Variants in PALS1 observed in about 807,000 individuals in gnomAD.
The protein encoded by PALS1 is protein PALS1.
In PALS1, 31 loss-of-function variants were observed where a neutral mutation model predicts 78.9. The observed-to-expected ratio is 0.39, with a 90% CI of 0.30 to 0.53. The LOEUF (loss-of-function observed/expected upper bound fraction) is 0.53, where lower values mean the gene tolerates loss of function less well. PALS1 is among the 20% of genes least tolerant of loss of function. The pLI, the probability that PALS1 is intolerant of heterozygous loss-of-function variation, is 0.67. For missense variants in PALS1, 704 were observed against 826.5 expected, an observed-to-expected ratio of 0.85 and a Z score of 1.82; for synonymous variants, 276 against 270.9, an observed-to-expected ratio of 1.02 and a Z score of -0.18.
At position 67,281,875 on chromosome 14, in the gene PALS1, A is replaced by G. The variant is rs370833393; in HGVS notation, c.367+2338A>G. ...CTATTGCTGACTTTTTTACAAATTCAGATTAAAGGATACCTCTATTCCAAT... is the reference window on the plus strand; with the variant it reads ...CTATTGCTGACTTTTTTACAAATTCGGATTAAAGGATACCTCTATTCCAAT... On this transcript the variant is annotated intron_variant, in intron 3 of 14. Transcript: ENST00000261681. Among the ~76,000 whole-genome samples the G allele has an allele frequency of 1.9e-3, 281 of 151,804 alleles. 16 individuals carry two copies. The South Asian group carries it at 0.058, about 31-fold the overall frequency.
At chr14:67,299,873 C>T (rs1326390602) in intron 4 of PALS1, among the ~76,000 whole-genome samples, 2 of 152,134 alleles carry the variant, frequency 1.3e-5, no homozygotes, top group Non-Finnish European at 2.9e-5. Flanking sequence ...ATTTTTAATC[C>T]AGAATTATCT....
In PALS1 at chr14:67,303,506, G is replaced by C; in HGVS notation, c.964-16G>C. On this transcript the variant is annotated splice_polypyrimidine_tract_variant and intron_variant, in intron 7 of 14. Coordinates refer to ENST00000261681, the MANE Select transcript of PALS1 (RefSeq NM_022474.4). ...TAAATGCAAATTTAAAAAATAACCT[G>C]ATCTTTCTATTACAGTCTGATATGC... 1 of 1,594,582 alleles carries C rather than the reference G, an allele frequency of 6.3e-7. No homozygotes were observed. Among genetic ancestry groups the C allele is most frequent in the Non-Finnish European group, 8.6e-7 (1 of 1,162,712 alleles).
In PALS1 at chr14:67,267,295, G is replaced by C. The variant is rs1259196541; in HGVS notation, c.-236-2406G>C. ...TTTAATGAGACGGAATTTCACTCTT[G>C]TCGCCCAGGCTGGAGTGCAATGGTG... On this transcript the variant is annotated intron_variant, in intron 1 of 14. Coordinates refer to ENST00000261681, the MANE Select transcript of PALS1 (RefSeq NM_022474.4). Among the ~76,000 whole-genome samples, 4 of 152,022 alleles carry C rather than the reference G, an allele frequency of 2.6e-5. No homozygotes were observed. The East Asian group carries it at 5.8e-4, about 22-fold the overall frequency.
At chr14:67,331,272 C>T (rs1164150515) in intron 14 of PALS1, among the ~76,000 whole-genome samples, 7 of 152,106 alleles carry the variant, frequency 4.6e-5, no homozygotes, top group Admixed American at 2.6e-4. Context: ...CTCAAGCTCC[C>T]GGCCCCATGT....
intron 11 of PALS1, among the ~76,000 whole-genome samples, chr14:67,319,587 A>T (rs2140986580): frequency 6.6e-6 from 1 of 151,014 alleles, no homozygotes; most frequent in South Asian, 2.1e-4. Flanking sequence ...AAATACACTT[A>T]ACACTAGAGA....
chr14:67,251,678 T>C (rs766102029), intron 1 of PALS1, among the ~76,000 whole-genome samples: 4 of 152,212 alleles, frequency 2.6e-5, no homozygotes, highest in Non-Finnish European at 4.4e-5. Flanking sequence ...ATAAGAAATA[T>C]ATATTTGGTC....
At chr14:67,329,552 C>T (rs377629916) in intron 14 of PALS1, among the ~76,000 whole-genome samples, 76 of 152,186 alleles carry the variant, frequency 5.0e-4, no homozygotes, top group African/African-American at 1.4e-3. Context: ...CCCTGTCTTG[C>T]GCCAGTTTTC....
chr14:67,313,113 T>C (rs2085118437), intron 9 of PALS1, among the ~76,000 whole-genome samples: 1 of 152,174 alleles, frequency 6.6e-6, no homozygotes, highest in Non-Finnish European at 1.5e-5. Flanking sequence ...ATAGAATTTA[T>C]TGTACCAAAC....
intron 1 of PALS1, among the ~76,000 whole-genome samples, chr14:67,262,741 T>A (rs1382588374): frequency 6.6e-6 from 1 of 152,220 alleles, no homozygotes; most frequent in Non-Finnish European, 1.5e-5. Flanking sequence ...AACAATTTAG[T>A]GTAGCATTCA....
At chr14:67,284,734 A>G (rs987409630) in intron 3 of PALS1, among the ~76,000 whole-genome samples, 20 of 151,904 alleles carry the variant, frequency 1.3e-4, no homozygotes, top group African/African-American at 4.8e-4. Flanking sequence ...TATGAATGAA[A>G]TTACATAACA....
At chr14:67,276,868 G>T (rs779321477) in intron 2 of PALS1, among the ~76,000 whole-genome samples, 3 of 152,164 alleles carry the variant, frequency 2.0e-5, no homozygotes, top group Non-Finnish European at 4.4e-5. Flanking sequence ...TTCCCTCATA[G>T]TGTAGTGAAT....
intron 8 of PALS1, among the ~76,000 whole-genome samples, chr14:67,309,745 G>A (rs1183215607): frequency 6.6e-6 from 1 of 152,128 alleles, no homozygotes; most frequent in African/African-American, 2.4e-5. Flanking sequence ...CAAGGAACCT[G>A]ATTAAAATTC....
intron 11 of PALS1, among the ~76,000 whole-genome samples, chr14:67,318,863 C>T (rs1256593337): frequency 6.6e-6 from 1 of 152,022 alleles, no homozygotes; most frequent in East Asian, 1.9e-4. Context: ...GGAGACCATC[C>T]TGGCTAACAT....
intron 1 of PALS1, among the ~76,000 whole-genome samples, chr14:67,251,141 C>T (rs1255033334): frequency 6.6e-6 from 1 of 152,156 alleles, no homozygotes; most frequent in Non-Finnish European, 1.5e-5. Context: ...TCTGCTTTGT[C>T]TGTAATATAG....
chr14:67,296,301 T>G (rs2084847447), intron 4 of PALS1, among the ~76,000 whole-genome samples: 1 of 152,036 alleles, frequency 6.6e-6, no homozygotes, highest in Non-Finnish European at 1.5e-5. Context: ...GACTTAATGT[T>G]AAAAGATGGT....
At chr14:67,303,666 C>A in intron 8 of PALS1, 67 bp downstream of exon 8, 1 of 1,116,340 alleles carries the variant, frequency 9.0e-7, no homozygotes, top group Non-Finnish European at 1.4e-6. Flanking sequence ...TTACTGTTTA[C>A]TGTTACAGAA....
At chr14:67,274,060 C>T (rs978624333) in intron 2 of PALS1, among the ~76,000 whole-genome samples, 3 of 152,078 alleles carry the variant, frequency 2.0e-5, no homozygotes, top group African/African-American at 7.2e-5. Flanking sequence ...AATTTTCTCC[C>T]ATTCTGTAGG....
chr14:67,321,325 A>T, intron 13 of PALS1, 66 bp downstream of exon 13: 1 of 1,512,962 alleles, frequency 6.6e-7, no homozygotes, highest in Non-Finnish European at 9.1e-7. Context: ...AATCTAGTGG[A>T]AGCTATATTT....
chr14:67,264,221 G>A (rs957855779), intron 1 of PALS1, among the ~76,000 whole-genome samples: 3 of 152,072 alleles, frequency 2.0e-5, no homozygotes, highest in Non-Finnish European at 2.9e-5. Context: ...CTGTCTCCTC[G>A]TTTGTCATTG....
Sources: gnomAD v4.1 joint callset for allele counts (sites outside exome capture counted in the v4.1 genomes callset) on GRCh38, gnomAD v4.1.1 for gene constraint, MANE v1.5 for transcripts, NCBI Gene and HGNC (gene_info 2026-07-23, HGNC 2026-07-21) for gene names.